Variants in PRKCA observed in about 807,000 individuals in gnomAD.
PRKCA encodes protein kinase C alpha.
A neutral mutation model predicts 87.0 loss-of-function variants in PRKCA; 27 were observed. The ratio of observed to expected loss-of-function variants is 0.31; its 90% confidence interval spans 0.23 to 0.43. The LOEUF (loss-of-function observed/expected upper bound fraction) is 0.43, where lower values mean the gene tolerates loss of function less well. Ranked by LOEUF, PRKCA falls within the 20% of genes least tolerant of loss-of-function variation. The pLI, the probability that PRKCA is intolerant of heterozygous loss-of-function variation, is 1.00. For missense variants in PRKCA, 518 were observed against 852.3 expected (o/e 0.61, Z 4.88); for synonymous variants, 329 against 311.1 (o/e 1.06, Z -0.61).
chr17:66,402,507 T>C (rs1911097197), intron 2 of PRKCA, among the ~76,000 whole-genome samples: 1 of 151,898 alleles, frequency 6.6e-6, no homozygotes, highest in Admixed American at 6.6e-5. Context: ...TAGCTGACAT[T>C]TTGGAGGGCT....
chr17:66,577,436 C>A (rs547125804), intron 3 of PRKCA, among the ~76,000 whole-genome samples: 1 of 152,134 alleles, frequency 6.6e-6, no homozygotes, highest in South Asian at 2.1e-4. Context: ...GGACTGCAGC[C>A]TGGGCAAGGG....
At chr17:66,735,722 C>T in intron 10 of PRKCA, 60 bp downstream of exon 10, 1 of 1,552,134 alleles carries the variant, frequency 6.4e-7, no homozygotes, top group Non-Finnish European at 8.8e-7. Context: ...CGCCTCAGCC[C>T]AAAGCTTCTT....
intron 2 of PRKCA, among the ~76,000 whole-genome samples, chr17:66,368,386 A>ATTTTTTTTTTTTT (rs1180540465): frequency 3.9e-5 from 1 of 25,468 alleles, no homozygotes; most frequent in East Asian, 1.8e-3. Context: ...ATATATATAT[A>ATTTTTTTTTTTTT]TTTTTTTTTT....
At chr17:66,410,549 A>C (rs1911722872) in intron 2 of PRKCA, among the ~76,000 whole-genome samples, 1 of 152,060 alleles carries the variant, frequency 6.6e-6, no homozygotes, top group Non-Finnish European at 1.5e-5. Flanking sequence ...CTTCCAATTC[A>C]TTGACATTGT....
At chr17:66,625,584 T>C (rs1970831337) in intron 3 of PRKCA, among the ~76,000 whole-genome samples, 1 of 152,256 alleles carries the variant, frequency 6.6e-6, no homozygotes, top group Non-Finnish European at 1.5e-5. Flanking sequence ...GATAGGCTGC[T>C]GCTTTACATT....
chr17:66,322,506 A>C (rs1905732297), intron 2 of PRKCA, among the ~76,000 whole-genome samples: 1 of 152,142 alleles, frequency 6.6e-6, no homozygotes, highest in African/African-American at 2.4e-5. Context: ...TCTGTCATCC[A>C]GGCTAGAGTG....
At chr17:66,621,103 C>G (rs1276921173) in intron 3 of PRKCA, among the ~76,000 whole-genome samples, 1 of 152,196 alleles carries the variant, frequency 6.6e-6, no homozygotes, top group Non-Finnish European at 1.5e-5. Context: ...AGAGAAGACT[C>G]TGGTTGACTT....
At chr17:66,335,383 C>T (rs1371818720) in intron 2 of PRKCA, among the ~76,000 whole-genome samples, 2 of 152,090 alleles carry the variant, frequency 1.3e-5, no homozygotes, top group Non-Finnish European at 2.9e-5. Flanking sequence ...ATTCCTCCCA[C>T]CTTGGCCTCT....
chr17:66,638,367 A>G (rs900688942), intron 3 of PRKCA: 25 of 152,222 alleles, frequency 1.6e-4, no homozygotes, highest in African/African-American at 5.5e-4. Flanking sequence ...GAACTGTTTC[A>G]TATAAAAAAA....
intron 2 of PRKCA, among the ~76,000 whole-genome samples, chr17:66,403,443 A>G (rs1028802357): frequency 2.6e-5 from 4 of 152,194 alleles, no homozygotes; most frequent in African/African-American, 2.4e-5. Context: ...TGCAGCTCCT[A>G]TTGCATTATA....
intron 2 of PRKCA, among the ~76,000 whole-genome samples, chr17:66,341,615 CAAAG>C (rs1207332560): frequency 1.3e-5 from 2 of 152,116 alleles, no homozygotes; most frequent in South Asian, 2.1e-4. Flanking sequence ...AAGGAGTACT[CAAAG>C]AAAGAAAGGG....
intron 3 of PRKCA, among the ~76,000 whole-genome samples, chr17:66,589,896 T>C (rs1430641750): frequency 6.6e-6 from 1 of 152,166 alleles, no homozygotes; most frequent in African/African-American, 2.4e-5. Flanking sequence ...CATTAGGCAT[T>C]AGATTCTCAG....
intron 3 of PRKCA, among the ~76,000 whole-genome samples, chr17:66,540,677 G>A (rs1377180736): frequency 6.6e-6 from 1 of 152,324 alleles, no homozygotes; most frequent in East Asian, 1.9e-4. Flanking sequence ...AGGCTGAGAC[G>A]GAATTCAGGC....
At chr17:66,318,795 C>T (rs935182325) in intron 2 of PRKCA, among the ~76,000 whole-genome samples, 2 of 151,546 alleles carry the variant, frequency 1.3e-5, no homozygotes, top group African/African-American at 2.4e-5. Context: ...GCAGAGGTTG[C>T]AGTGAGCCAA....
At chr17:66,329,494 G>A (rs913040011) in intron 2 of PRKCA, among the ~76,000 whole-genome samples, 22 of 152,164 alleles carry the variant, frequency 1.4e-4, no homozygotes, top group Non-Finnish European at 3.1e-4. Context: ...TGAGTGCCTG[G>A]AAGAAGGCAC....
chr17:66,521,026 G>A (rs1178483823), intron 3 of PRKCA, among the ~76,000 whole-genome samples: 1 of 152,074 alleles, frequency 6.6e-6, no homozygotes, highest in Non-Finnish European at 1.5e-5. Flanking sequence ...GAGATGCTTC[G>A]GGGACAGTGT....
chr17:66,736,955 A>G (rs1598907415), intron 10 of PRKCA, among the ~76,000 whole-genome samples: 1 of 152,284 alleles, frequency 6.6e-6, no homozygotes, highest in South Asian at 2.1e-4. Flanking sequence ...CCCTTTGTGG[A>G]AAAAGTTTGC....
At chr17:66,445,438 G>A (rs1019305334) in intron 2 of PRKCA, among the ~76,000 whole-genome samples, 2 of 152,278 alleles carry the variant, frequency 1.3e-5, no homozygotes, top group Non-Finnish European at 1.5e-5. Flanking sequence ...TTACCTCGGA[G>A]TAGAAGGCTT....
chr17:66,458,746 G>T (rs538751085), intron 2 of PRKCA, among the ~76,000 whole-genome samples: 2 of 152,302 alleles, frequency 1.3e-5, no homozygotes, highest in East Asian at 1.9e-4. Context: ...CTCCTAAACT[G>T]CTGGGATTAC....
Sources: gnomAD v4.1 joint callset for allele counts (sites outside exome capture counted in the v4.1 genomes callset) on GRCh38, gnomAD v4.1.1 for gene constraint, MANE v1.5 for transcripts, NCBI Gene and HGNC (gene_info 2026-07-23, HGNC 2026-07-21) for gene names.